The following SREBF1 variants were observed in gnomAD, a reference collection of about 807,000 sequenced individuals.
SREBF1 encodes the protein sterol regulatory element-binding protein 1.
In SREBF1, 45 loss-of-function variants were observed where a neutral mutation model predicts 100.1. The ratio of observed to expected loss-of-function variants is 0.45; its 90% CI spans 0.35 to 0.58. The LOEUF (loss-of-function observed/expected upper bound fraction) is 0.58. SREBF1 is among the 20% of genes least tolerant of loss of function. The pLI is 0.00. For missense variants in SREBF1, 1,324 were observed against 1,539.4 expected (o/e 0.86, Z 2.34); for synonymous variants, 657 against 681.8 (o/e 0.96, Z 0.57).
rs543156769 is a variant in SREBF1 at position 17,814,698 on chromosome 17, G to T, written c.2652C>A (p.Ile884=). The T allele has an allele frequency of 2.5e-6, 4 of 1,604,080 alleles. No individual in the cohort carries two copies. The highest frequency in any genetic ancestry group is 3.4e-6 in the Non-Finnish European group (4 of 1,177,222). Residue 884 remains isoleucine (I), a synonymous_variant, in exon 15 of 19, where the codon ATC becomes ATA. Transcript: ENST00000261646. ...CCTCCTCATCCCGCCGCAGCCAGTG[G>T]ATCACCACAGCTGTCAGAGAGGCCC... ...KWWASLTAVV[I]HWLRRDEEAA...
chr17:17,829,237 T>C lies in SREBF1; in HGVS notation c.91+7490A>G, dbSNP rs1278401856. On this transcript the variant is annotated intron_variant, in intron 1 of 18. Coordinates refer to ENST00000261646, the MANE Select transcript of SREBF1 (RefSeq NM_004176.5). The stretch of plus-strand genomic sequence containing the variant: ...ATATATATATATATATATATATATG[T>C]ATACACACACACACACACACTCACA... Among the ~76,000 whole-genome samples the C allele has an allele frequency of 2.4e-5, 3 of 126,678 alleles. No individual in the cohort carries two copies. In the South Asian group the frequency reaches 7.3e-4, roughly 31 times the overall value. The allele number at this position is 126,678 out of a possible 152,430, so 83.1% of individuals were successfully genotyped here. A position where few individuals can be genotyped will look rare whatever the true frequency, so the allele number is the denominator to read the frequency against.
In SREBF1 at chr17:17,813,769, C is replaced by T; in HGVS notation, c.2902G>A (p.Ala968Thr). Residue 968 changes from alanine (A) to threonine (T), a missense_variant and splice_region_variant, in exon 17 of 19, where the codon GCC (alanine) becomes ACC (threonine). Transcript: ENST00000261646. Reference protein sequence around the residue: ...TTPASSSIDKAVQLFLCDLLL... With the variant: ...TTPASSSIDKTVQLFLCDLLL... ...AGGTCACACAGGAACAGCTGCACGG[C>T]CTGGGGGTGGCAGGCAGGGCAGGGG... 6.5e-7 allele frequency: 1 copy of T among 1,535,310 alleles called. No homozygotes were observed. The highest frequency in any genetic ancestry group is 8.7e-7 in the Non-Finnish European group (1 of 1,146,596).
rs2143008743 is a variant in SREBF1 at position 17,812,524 on chromosome 17, T to C, written c.*98A>G. On this transcript the variant is annotated 3_prime_UTR_variant, in exon 19 of 19. Coordinates refer to ENST00000261646, the MANE Select transcript of SREBF1 (RefSeq NM_004176.5). ...GTCGAACTGTGGAGGCCAGAGTCTC[T>C]TGCACTGCCTTCGGCCTTCAAAGCT... The C allele has an allele frequency of 7.8e-7, 1 of 1,288,972 alleles. No homozygotes were observed. The highest frequency in any genetic ancestry group is 1.3e-5 in the South Asian group (1 of 76,764). 79.8% of individuals were successfully genotyped at this position (1,288,972 alleles called of 1,614,324 possible).
intron 1 of SREBF1, among the ~76,000 whole-genome samples, chr17:17,833,468 T>TAC (rs2035029307): frequency 1.2e-5 from 1 of 83,006 alleles, no homozygotes; most frequent in Non-Finnish European, 3.0e-5. Context: ...TATATATATA[T>TAC]ATATATACAC....
rs945433693 is a variant in SREBF1 at position 17,828,076 on chromosome 17, A to C, written c.92-7555T>G. 1.3e-4 allele frequency among the ~76,000 whole-genome samples: 20 copies of C among 152,300 alleles called. 1 individual carries two copies. Among genetic ancestry groups the C allele is most frequent in the Admixed American group, 1.2e-3 (19 of 15,300 alleles). On this transcript the variant is annotated intron_variant, in intron 1 of 18. Transcript: ENST00000261646. The stretch of plus-strand genomic sequence containing the variant: ...CCCAGCCTCACCCAGCACAGGGCTG[A>C]CCACAGCAGGGACCCCAGTCAGAGG...
Position 17,812,561 on chromosome 17 carries a change from C to T in SREBF1, c.*61G>A, listed in dbSNP as rs1379552764. 4.0e-6 allele frequency: 6 copies of T among 1,509,822 alleles called. No homozygotes were observed. The African/African-American group carries it at 8.3e-5, about 21-fold the overall frequency. 93.5% of individuals were successfully genotyped at this position (1,509,822 alleles called of 1,614,324 possible). ...CGGCCTTCAAAGCTTCGACGCAGGA[C>T]AGAAGCTGCACGGGACCAAAGTGGC... On this transcript the variant is annotated 3_prime_UTR_variant, in exon 19 of 19. Coordinates refer to ENST00000261646, the MANE Select transcript of SREBF1 (RefSeq NM_004176.5).
In SREBF1 at chr17:17,833,420, CAAAAAAAAAAAAAAAA is replaced by C. The variant is rs56369932; in HGVS notation, c.91+3291_91+3306del. On this transcript the variant is annotated intron_variant, in intron 1 of 18. Transcript: ENST00000261646. ...TGGGCGACAGAGCAAGACTCCGTCT[CAAAAAAAAAAAAAAAA>C]AAAAAAAAAAAAAAATATATATATA... Among the ~76,000 whole-genome samples, 11 of 51,082 alleles carry C rather than the reference CAAAAAAAAAAAAAAAA, an allele frequency of 2.2e-4. 2 individuals are homozygous for C. 33.5% of individuals were successfully genotyped at this position (51,082 alleles called of 152,430 possible). A position where few individuals can be genotyped will look rare whatever the true frequency, so the allele number is the denominator to read the frequency against.
In SREBF1 at chr17:17,817,795, A is replaced by C; in HGVS notation, c.1305T>G (p.Pro435=). 6.2e-7 allele frequency: 1 copy of C among 1,613,752 alleles called. No homozygotes were observed. The highest frequency in any genetic ancestry group is 8.5e-7 in the Non-Finnish European group (1 of 1,180,022). Residue 435 remains proline, a synonymous_variant, in exon 7 of 19, where the codon CCT becomes CCG. Transcript: ENST00000261646. This position sits in a 1 kb window ranked among gnomAD's most constrained non-coding sequence, Gnocchi z 6.6. ...LTPPPSDAGS[P]FQSSPLSLGS... The stretch of plus-strand genomic sequence containing the variant: ...CAAGGGACAAGGGGCTGCTCTGGAA[A>C]GGTGAGCCAGCATCCGAGGGGGGTG...
intron 1 of SREBF1, chr17:17,823,507 TC>T (rs749003944): frequency 6.2e-7 from 1 of 1,606,194 alleles, no homozygotes; most frequent in Non-Finnish European, 8.5e-7. Flanking sequence ...TGGGGAGGCC[TC>T]CAAAAATACC....
chr17:17,829,682 T>A (rs1350467195), intron 1 of SREBF1, among the ~76,000 whole-genome samples: 1 of 152,218 alleles, frequency 6.6e-6, no homozygotes, highest in Non-Finnish European at 1.5e-5. Flanking sequence ...CCTCACTATG[T>A]TGCCCAGGCT....
chr17:17,814,964 G>A lies in SREBF1; in HGVS notation c.2493-20C>T, dbSNP rs1282646310. 1 of 1,553,316 alleles carries A rather than the reference G, an allele frequency of 6.4e-7. No homozygotes were observed. The highest frequency in any genetic ancestry group is 8.7e-7 in the Non-Finnish European group (1 of 1,147,660). On this transcript the variant is annotated intron_variant, in intron 13 of 18. Coordinates refer to ENST00000261646, the MANE Select transcript of SREBF1 (RefSeq NM_004176.5). ...AATTCCCTGTGGAAGGAGAGAGCTG[G>A]CTGTCGGAACAGATGGCAGGGGTCC...
At position 17,815,881 on chromosome 17, in the gene SREBF1, A is replaced by G. The variant is rs776592557; in HGVS notation, c.2362T>C (p.Tyr788His). ...SVLSTPWESL[Y>H]SLAGNPVDPL... ...GCACCTGGGTTCCCGGCCAAGCTGT[A>G]CAGGCTCTCCCATGGGGTACTGAGC... The change falls in exon 12 of 19, where the codon TAC becomes CAC. Residue 788 changes from tyrosine (Y) to histidine (H), a missense_variant. Transcript: ENST00000261646. 6.2e-7 allele frequency: 1 copy of G among 1,612,876 alleles called. No individual in the cohort carries two copies. The highest frequency in any genetic ancestry group is 1.3e-5 in the African/African-American group (1 of 75,020).
intron 1 of SREBF1, among the ~76,000 whole-genome samples, chr17:17,829,205 A>AAATATATATATATATATAT (rs1210718799): frequency 1.5e-5 from 1 of 65,874 alleles, no homozygotes; most frequent in African/African-American, 8.8e-5. Context: ...AAAAAAAAAA[A>AAATATATATATATATATAT]ATATATATAT....
intron 18 of SREBF1, 37 bp downstream of exon 18, chr17:17,813,331 C>G: frequency 6.5e-7 from 1 of 1,545,878 alleles, no homozygotes; most frequent in Non-Finnish European, 8.7e-7. Context: ...CCCTGCTGAG[C>G]AGACAGCACA....
rs763855640 is a variant in SREBF1 at position 17,816,992 on chromosome 17, C to A, written c.1751G>T (p.Arg584Met). 1 of 1,613,104 alleles carries A rather than the reference C, an allele frequency of 6.2e-7. No individual in the cohort carries two copies. The highest frequency in any genetic ancestry group is 1.7e-5 in the Admixed American group (1 of 60,038). The change falls in exon 9 of 19, where the codon AGG becomes ATG. Residue 584 changes from arginine (R) to methionine (M), a missense_variant. Arg to Met is a moderately conservative substitution (Grantham distance 91, BLOSUM62 -1). Coordinates refer to ENST00000261646, the MANE Select transcript of SREBF1 (RefSeq NM_004176.5). The stretch of plus-strand genomic sequence containing the variant: ...GTCCAGGTCAGCCTGCTTGCGATGC[C>A]TCCAGAAGTACACGGCGGGGCCTGA... ...PHSGPAVYFWRHRKQADLDLA... is the reference protein window; with the variant it reads ...PHSGPAVYFWMHRKQADLDLA...
intron 10 of SREBF1, 29 bp from the exon 11 acceptor site, chr17:17,816,402 G>T: frequency 6.3e-7 from 1 of 1,597,622 alleles, no homozygotes. Context: ...TGAGGCTGTG[G>T]GTGGAGCACA....
chr17:17,825,603 CTT>C (rs60178339), intron 1 of SREBF1, among the ~76,000 whole-genome samples: 2,055 of 92,530 alleles, frequency 0.022, 34 homozygotes, highest in African/African-American at 0.073. Context: ...TGGCCAATTT[CTT>C]TTTTTTTTTT....
intron 1 of SREBF1, among the ~76,000 whole-genome samples, chr17:17,834,444 T>G (rs1349653956): frequency 6.6e-6 from 1 of 152,100 alleles, no homozygotes; most frequent in Admixed American, 6.5e-5. Context: ...TTTTCTACAA[T>G]GAAAAAAGAT....
At chr17:17,813,961 C>A (rs1220632918) in intron 16 of SREBF1, 192 bp from the exon 17 acceptor site, 1 of 696,592 alleles carries the variant, frequency 1.4e-6, no homozygotes, top group Non-Finnish European at 2.4e-6. Context: ...CGCCACCGGC[C>A]CGGGAGCAGC....
Sources: allele counts gnomAD v4.1 joint callset (sites outside exome capture counted in the v4.1 genomes callset), GRCh38; gene constraint gnomAD v4.1.1; non-coding constraint Gnocchi (gnomAD v3.1); transcripts MANE v1.5; gene names NCBI Gene and HGNC (gene_info 2026-07-23, HGNC 2026-07-21).